The following DDX10 variants were observed in gnomAD, a reference collection of about 807,000 sequenced individuals.
DDX10 encodes the protein DEAD-box helicase 10, also known as probable ATP-dependent RNA helicase DDX10.
DDX10 carries 74 observed loss-of-function variants against 104.3 expected under a neutral mutation model. The ratio of observed to expected loss-of-function variants is 0.71; its 90% confidence interval spans 0.59 to 0.86. The LOEUF (loss-of-function observed/expected upper bound fraction) is 0.86. Among genes scored for constraint, DDX10 ranks in the 40% least tolerant of loss-of-function variants. The pLI, the probability that DDX10 is intolerant of heterozygous loss-of-function variation, is 0.00. For synonymous variants in DDX10, 351 were observed against 353.4 expected (o/e 0.99, Z 0.08); for missense variants, 952 against 1,040.0 (o/e 0.92, Z 1.16).
At chr11:108,757,134 C>G (rs749128893) in intron 13 of DDX10, among the ~76,000 whole-genome samples, 12 of 151,980 alleles carry the variant, frequency 7.9e-5, no homozygotes, top group Non-Finnish European at 1.8e-4. Flanking sequence ...TCCCTTCTCT[C>G]CCCACAAATA....
intron 16 of DDX10, among the ~76,000 whole-genome samples, chr11:108,904,920 A>G (rs1179899413): frequency 2.0e-5 from 3 of 152,190 alleles, no homozygotes; most frequent in East Asian, 1.9e-4. Context: ...AGACTTGCAT[A>G]TGTCACCAGG....
At chr11:108,882,556 G>C (rs1234306853) in intron 16 of DDX10, among the ~76,000 whole-genome samples, 1 of 152,100 alleles carries the variant, frequency 6.6e-6, no homozygotes, top group East Asian at 1.9e-4. Context: ...ACAACTTCAT[G>C]GTGACATCTA....
At chr11:108,831,060 A>G (rs1862462607) in intron 13 of DDX10, among the ~76,000 whole-genome samples, 1 of 152,162 alleles carries the variant, frequency 6.6e-6, no homozygotes, top group South Asian at 2.1e-4. Context: ...AGAAATGTGT[A>G]TAGTTAAATA....
intron 5 of DDX10, among the ~76,000 whole-genome samples, chr11:108,678,908 C>T (rs1347076949): frequency 2.6e-4 from 27 of 103,658 alleles, no homozygotes; most frequent in African/African-American, 4.2e-4. Flanking sequence ...TACAGAGTTT[C>T]GCTCTGTTGC....
chr11:108,788,432 G>C (rs552982333), intron 13 of DDX10, among the ~76,000 whole-genome samples: 1 of 151,690 alleles, frequency 6.6e-6, no homozygotes, highest in Non-Finnish European at 1.5e-5. Context: ...ATGTGATCTC[G>C]GCTCATTGCA....
chr11:108,740,380 T>G (rs2094323742), intron 13 of DDX10, among the ~76,000 whole-genome samples: 1 of 152,198 alleles, frequency 6.6e-6, no homozygotes, highest in Non-Finnish European at 1.5e-5. Context: ...CTTTATCCAG[T>G]CTGCCATTGA....
intron 6 of DDX10, among the ~76,000 whole-genome samples, chr11:108,686,556 A>G (rs2094244405): frequency 6.6e-6 from 1 of 152,142 alleles, no homozygotes; most frequent in Non-Finnish European, 1.5e-5. Context: ...ATGTCTTTTC[A>G]TGGAGTGATA....
At chr11:108,681,013 T>G (rs1459502429) in intron 6 of DDX10, among the ~76,000 whole-genome samples, 4 of 152,146 alleles carry the variant, frequency 2.6e-5, no homozygotes, top group Non-Finnish European at 1.5e-5. Context: ...GCTATGAAAA[T>G]TTTTGTGACA....
At chr11:108,902,554 A>G (rs990968319) in intron 16 of DDX10, among the ~76,000 whole-genome samples, 2 of 152,184 alleles carry the variant, frequency 1.3e-5, no homozygotes, top group Non-Finnish European at 2.9e-5. Flanking sequence ...AACACTTTCT[A>G]TGGTTGTAGC....
chr11:108,835,448 A>T (rs1356589303), intron 13 of DDX10, among the ~76,000 whole-genome samples: 2 of 152,240 alleles, frequency 1.3e-5, no homozygotes, highest in Non-Finnish European at 2.9e-5. Flanking sequence ...AAGTCTTGTG[A>T]TGTGTATATA....
chr11:108,848,561 C>T (rs1686122698), intron 15 of DDX10, among the ~76,000 whole-genome samples: 1 of 152,124 alleles, frequency 6.6e-6, no homozygotes, highest in Non-Finnish European at 1.5e-5. Context: ...ATTTGCCTAT[C>T]ATTTGGAGAT....
In DDX10 at chr11:108,831,143, C is replaced by T. The variant is rs546424580; in HGVS notation, c.1966-7303C>T. Among the ~76,000 whole-genome samples, 8 of 152,216 alleles carry T rather than the reference C, an allele frequency of 5.3e-5. No homozygotes were observed. The East Asian group carries it at 5.8e-4, about 11-fold the overall frequency. On this transcript the variant is annotated intron_variant, in intron 13 of 17. Coordinates refer to ENST00000322536, the MANE Select transcript of DDX10 (RefSeq NM_004398.4). ...TTATCGGGCTGGGCATGGTGGCTTA[C>T]GCCTGTAATCCCAGCACTTTGGGAG... is the stretch of plus-strand genomic sequence containing the variant.
intron 13 of DDX10, among the ~76,000 whole-genome samples, chr11:108,780,036 A>G (rs769990869): frequency 6.6e-6 from 1 of 152,230 alleles, no homozygotes; most frequent in Non-Finnish European, 1.5e-5. Flanking sequence ...AAGAAAATCT[A>G]TCCTTAATGG....
intron 16 of DDX10, among the ~76,000 whole-genome samples, chr11:108,878,727 T>C (rs1863186161): frequency 6.6e-6 from 1 of 152,132 alleles, no homozygotes; most frequent in Admixed American, 6.6e-5. Context: ...CCTTCCTTTG[T>C]CATTTGGTTG....
intron 13 of DDX10, among the ~76,000 whole-genome samples, chr11:108,756,800 G>A (rs931472075): frequency 6.6e-6 from 1 of 151,970 alleles, no homozygotes; most frequent in Non-Finnish European, 1.5e-5. Context: ...TTAGGCTTTT[G>A]GCTAGTCCTA....
At chr11:108,899,381 A>G (rs1319630374) in intron 16 of DDX10, among the ~76,000 whole-genome samples, 1 of 152,272 alleles carries the variant, frequency 6.6e-6, no homozygotes, top group South Asian at 2.1e-4. Flanking sequence ...TGTATTGAAT[A>G]TGCTTGTTCC....
At chr11:108,791,033 C>T (rs184118388) in intron 13 of DDX10, among the ~76,000 whole-genome samples, 12 of 152,316 alleles carry the variant, frequency 7.9e-5, no homozygotes, top group Non-Finnish European at 1.3e-4. Context: ...CTTCCCACAA[C>T]GAGGTGGAGT....
At chr11:108,810,239 G>A (rs1862160443) in intron 13 of DDX10, among the ~76,000 whole-genome samples, 1 of 152,184 alleles carries the variant, frequency 6.6e-6, no homozygotes, top group African/African-American at 2.4e-5. Context: ...AACATCTGTT[G>A]TATTTGTAAT....
intron 13 of DDX10, among the ~76,000 whole-genome samples, chr11:108,777,095 A>G (rs562295979): frequency 6.6e-6 from 1 of 152,330 alleles, no homozygotes; most frequent in Admixed American, 6.5e-5. Flanking sequence ...GAAAACTAAC[A>G]CAACAGGGAT....
Sources: allele counts gnomAD v4.1 joint callset (sites outside exome capture counted in the v4.1 genomes callset), GRCh38; gene constraint gnomAD v4.1.1; transcripts MANE v1.5; gene names NCBI Gene and HGNC (gene_info 2026-07-23, HGNC 2026-07-21).